The following PLEKHM3 variants were observed in gnomAD, a reference collection of about 807,000 sequenced individuals.
PLEKHM3 encodes pleckstrin homology domain-containing family M member 3.
Under a neutral mutation model 81.8 loss-of-function variants are expected in PLEKHM3, and 45 were observed. The observed-to-expected ratio is 0.55, with a 90% CI of 0.43 to 0.71. The LOEUF is 0.71. Ranked by LOEUF, PLEKHM3 falls within the 30% of genes least tolerant of loss-of-function variation. The pLI is 0.00. For missense variants in PLEKHM3, 788 were observed against 924.3 expected, an observed-to-expected ratio of 0.85 and a Z score of 1.91; for synonymous variants, 352 against 356.4, an observed-to-expected ratio of 0.99 and a Z score of 0.14.
Position 207,828,177 on chromosome 2 carries a change from TATAA to T in PLEKHM3, c.*138_*141del, listed in dbSNP as rs548120592. 173 of 620,876 alleles carry T rather than the reference TATAA, an allele frequency of 2.8e-4. 1 individual carries two copies. The South Asian group carries it at 4.5e-3, about 16-fold the overall frequency. The allele number at this position is 620,876 out of a possible 1,614,324, so 38.5% of individuals were successfully genotyped here. ...CAGGACGTATAGGTATTTGCGTATA[TATAA>T]ATAAATATATATATCTATATCTAGT... On this transcript the variant is annotated 3_prime_UTR_variant, in exon 8 of 8. Transcript: ENST00000427836.
intron 7 of PLEKHM3, among the ~76,000 whole-genome samples, chr2:207,848,431 G>C (rs1304477812): frequency 6.6e-6 from 1 of 152,200 alleles, no homozygotes; most frequent in Non-Finnish European, 1.5e-5. Flanking sequence ...CCTCCATGGA[G>C]CCTTCTCCAT....
intron 7 of PLEKHM3, among the ~76,000 whole-genome samples, chr2:207,841,734 T>C (rs1171446093): frequency 1.3e-5 from 2 of 151,804 alleles, no homozygotes; most frequent in African/African-American, 4.8e-5. Flanking sequence ...ATTCCCATAT[T>C]ACTTGGGTCT....
At chr2:207,978,358 G>A (rs980156436) in intron 2 of PLEKHM3, among the ~76,000 whole-genome samples, 10 of 147,964 alleles carry the variant, frequency 6.8e-5, no homozygotes, top group Non-Finnish European at 1.3e-4. Context: ...TACTTTTAAC[G>A]GTAAAAACCG....
chr2:207,865,973 C>T (rs1265882729), intron 6 of PLEKHM3, among the ~76,000 whole-genome samples: 1 of 150,460 alleles, frequency 6.6e-6, no homozygotes, highest in African/African-American at 2.4e-5. Context: ...TTTTAAATGC[C>T]TTCACTGTAA....
At chr2:207,940,834 A>G (rs933928264) in intron 4 of PLEKHM3, among the ~76,000 whole-genome samples, 2 of 152,234 alleles carry the variant, frequency 1.3e-5, no homozygotes, top group Non-Finnish European at 2.9e-5. Context: ...ATGGATAAAA[A>G]TATCTGGAGC....
intron 6 of PLEKHM3, among the ~76,000 whole-genome samples, chr2:207,870,770 A>G (rs1176386820): frequency 1.3e-5 from 2 of 152,222 alleles, no homozygotes; most frequent in Non-Finnish European, 2.9e-5. Flanking sequence ...TGAATCCTCA[A>G]TTTTAAATTT....
intron 7 of PLEKHM3, 35 bp from the exon 8 acceptor site, chr2:207,828,531 C>T (rs2092266075): frequency 6.2e-7 from 1 of 1,600,212 alleles, no homozygotes. Context: ...ATGAGCAAGA[C>T]TGAAGCCAGC....
At position 207,931,055 on chromosome 2, in the gene PLEKHM3, T is replaced by A; in HGVS notation, c.1757A>T (p.Gln586Leu). 6.2e-7 allele frequency: 1 copy of A among 1,614,076 alleles called. No individual in the cohort carries two copies. Among genetic ancestry groups the A allele is most frequent in the South Asian group, 1.1e-5 (1 of 91,080 alleles). ...GTGGTGGTACAGCATGGCGTTCTCC[T>A]GCTGGATGTCGATGAGCGGCTCTTC... Reference protein sequence around the residue: ...VYEEPLIDIQQENAMLYHHAE... With the variant: ...VYEEPLIDIQLENAMLYHHAE... Residue 586 changes from glutamine to leucine, a missense_variant, in exon 5 of 8, where the codon CAG becomes CTG. Coordinates refer to ENST00000427836, the MANE Select transcript of PLEKHM3 (RefSeq NM_001080475.3).
In PLEKHM3 at chr2:207,902,322, C is replaced by T. The variant is rs1330317453; in HGVS notation, c.1950+6192G>A. Among the ~76,000 whole-genome samples, 18 of 152,136 alleles carry T rather than the reference C, an allele frequency of 1.2e-4. No individual in the cohort carries two copies. In the East Asian group the frequency reaches 1.3e-3, roughly 11 times the overall value. The stretch of plus-strand genomic sequence containing the variant: ...ATGGGTTTGTTTGGTGGGGCAGGGC[C>T]GTGCAAAATAACTCACATCACTTCC... On this transcript the variant is annotated intron_variant, in intron 6 of 7. Coordinates refer to ENST00000427836, the MANE Select transcript of PLEKHM3 (RefSeq NM_001080475.3).
chr2:208,019,181 C>T (rs1354230791), intron 1 of PLEKHM3, among the ~76,000 whole-genome samples: 1 of 152,028 alleles, frequency 6.6e-6, no homozygotes, highest in African/African-American at 2.4e-5. Flanking sequence ...GGGCGTGAAC[C>T]TATAGTCCTA....
chr2:207,858,182 T>TATATA (rs61059149), intron 7 of PLEKHM3, among the ~76,000 whole-genome samples: 22 of 125,666 alleles, frequency 1.8e-4, no homozygotes, highest in African/African-American at 6.4e-4. Flanking sequence ...GTGTATATAT[T>TATATA]TTTTTTTTTG....
At chr2:207,953,920 TC>T (rs1690421155) in intron 3 of PLEKHM3, among the ~76,000 whole-genome samples, 1 of 152,168 alleles carries the variant, frequency 6.6e-6, no homozygotes, top group Admixed American at 6.5e-5. Context: ...TAGGTTAACT[TC>T]AGCTGGCACT....
chr2:207,865,086 A>C (rs1314680415), intron 6 of PLEKHM3, among the ~76,000 whole-genome samples: 1 of 152,032 alleles, frequency 6.6e-6, no homozygotes, highest in Non-Finnish European at 1.5e-5. Flanking sequence ...TCTCTTGTTT[A>C]TGTTTCATTT....
intron 3 of PLEKHM3, among the ~76,000 whole-genome samples, chr2:207,963,055 A>G (rs1690793629): frequency 6.6e-6 from 1 of 152,156 alleles, no homozygotes; most frequent in Non-Finnish European, 1.5e-5. Flanking sequence ...GAAAGTAGGA[A>G]ACCTAATGGT....
intron 3 of PLEKHM3, among the ~76,000 whole-genome samples, chr2:207,971,976 A>G (rs1344343347): frequency 6.6e-6 from 1 of 152,356 alleles, no homozygotes. Flanking sequence ...ACCTGGCACC[A>G]TCTCTGAGAG....
intron 6 of PLEKHM3, among the ~76,000 whole-genome samples, chr2:207,874,756 T>A (rs1373871805): frequency 3.3e-5 from 5 of 151,710 alleles, no homozygotes. Flanking sequence ...CATGCTCGGC[T>A]AATTTTTGTA....
At chr2:208,017,537 A>G (rs1043173417) in intron 1 of PLEKHM3, among the ~76,000 whole-genome samples, 1 of 152,202 alleles carries the variant, frequency 6.6e-6, no homozygotes, top group Non-Finnish European at 1.5e-5. Context: ...TAAAAATTCA[A>G]ACGGAATATC....
chr2:207,961,976 GTATAACAAT>G (rs1465193863), intron 3 of PLEKHM3, among the ~76,000 whole-genome samples: 1 of 152,194 alleles, frequency 6.6e-6, no homozygotes, highest in African/African-American at 2.4e-5. Flanking sequence ...CTGGGCTACT[GTATAACAAT>G]TTGTCTAGTC....
intron 2 of PLEKHM3, among the ~76,000 whole-genome samples, chr2:207,990,478 T>C (rs1691864074): frequency 6.6e-6 from 1 of 152,200 alleles, no homozygotes; most frequent in South Asian, 2.1e-4. Context: ...GTTAATAAAA[T>C]ACAGTTTTCC....
Sources: allele counts gnomAD v4.1 joint callset (sites outside exome capture counted in the v4.1 genomes callset), GRCh38; gene constraint gnomAD v4.1.1; transcripts MANE v1.5; gene names NCBI Gene and HGNC (gene_info 2026-07-23, HGNC 2026-07-21).